The following MCOLN2 variants were observed in gnomAD, a reference collection of about 807,000 sequenced individuals.
The protein encoded by MCOLN2 is mucolipin TRP cation channel 2.
MCOLN2 carries 57 observed loss-of-function variants against 67.5 expected under a neutral mutation model. The ratio of observed to expected loss-of-function variants is 0.84; its 90% CI spans 0.68 to 1.05. The LOEUF is 1.05. Ranked by LOEUF, MCOLN2 falls within the 50% of genes least tolerant of loss-of-function variation. MCOLN2 has a pLI of 0.00. For synonymous variants in MCOLN2, 246 were observed against 233.3 expected (o/e 1.05, Z -0.50); for missense variants, 620 against 678.8 (o/e 0.91, Z 0.96).
chr1:84,952,490 A>G lies in MCOLN2; in HGVS notation c.606T>C (p.Pro202=). The G allele has an allele frequency of 6.2e-7, 1 of 1,613,420 alleles. No homozygotes were observed. Among genetic ancestry groups the G allele is most frequent in the Non-Finnish European group, 8.5e-7 (1 of 1,179,328 alleles). Residue 202 remains proline, a synonymous_variant, in exon 5 of 14, where the codon CCT becomes CCC. Coordinates refer to ENST00000370608, the MANE Select transcript of MCOLN2 (RefSeq NM_153259.4). ...AGAATGATGAGTTCTTCCAGTCCGG[A>G]GGCTTCTTGGAGAGGTCCTGAAGGT... is the stretch of plus-strand genomic sequence containing the variant. The part of the protein sequence containing the change: ...QLDLQDLSKK[P]PDWKNSSFFR...
intron 1 of MCOLN2, among the ~76,000 whole-genome samples, chr1:84,990,317 A>T (rs1170220598): frequency 2.0e-5 from 3 of 149,070 alleles, no homozygotes. Context: ...AAAAAAAAAA[A>T]AAAAAAAAAA....
intron 6 of MCOLN2, among the ~76,000 whole-genome samples, 197 bp from the exon 7 acceptor site, chr1:84,947,329 C>A (rs537765701): frequency 1.4e-5 from 2 of 140,064 alleles, no homozygotes; most frequent in African/African-American, 6.6e-5. Flanking sequence ...CACACACACA[C>A]GGGACCAAAA....
chr1:84,994,820 C>T lies in MCOLN2; in HGVS notation c.77+1976G>A, dbSNP rs142600979. On this transcript the variant is annotated intron_variant, in intron 1 of 13. Transcript: ENST00000370608. Reference sequence around the variant, plus strand: ...AAGAACATCTCATATGCATTCAAAACTTGGCTAAATGGCACAAAATGCCTA... The same window carrying T: ...AAGAACATCTCATATGCATTCAAAATTTGGCTAAATGGCACAAAATGCCTA... Among the ~76,000 whole-genome samples, 4 of 152,310 alleles carry T rather than the reference C, an allele frequency of 2.6e-5. No homozygotes were observed. In the East Asian group the frequency reaches 7.7e-4, roughly 29 times the overall value.
chr1:84,933,517 C>T (rs1050068562), intron 11 of MCOLN2, among the ~76,000 whole-genome samples: 13 of 152,278 alleles, frequency 8.5e-5, no homozygotes, highest in African/African-American at 2.9e-4. Flanking sequence ...GTAAAACAGG[C>T]GATTGCCAGA....
chr1:84,951,096 G>A (rs1181159120), intron 6 of MCOLN2, among the ~76,000 whole-genome samples: 1 of 152,162 alleles, frequency 6.6e-6, no homozygotes, highest in African/African-American at 2.4e-5. Flanking sequence ...CCACCCCAGA[G>A]AGCTTGCAGC....
At chr1:84,983,288 G>C (rs926359346) in intron 1 of MCOLN2, among the ~76,000 whole-genome samples, 3 of 151,482 alleles carry the variant, frequency 2.0e-5, no homozygotes, top group Admixed American at 1.3e-4. Flanking sequence ...TTCTTTTTTT[G>C]AGATAGGATC....
intron 1 of MCOLN2, among the ~76,000 whole-genome samples, chr1:84,983,309 A>G (rs1159054417): frequency 6.6e-6 from 1 of 152,010 alleles, no homozygotes; most frequent in Non-Finnish European, 1.5e-5. Flanking sequence ...TCACTCTGTC[A>G]CCCAGGTGGG....
chr1:84,968,369 A>G (rs1038887995), intron 1 of MCOLN2, among the ~76,000 whole-genome samples: 21 of 152,126 alleles, frequency 1.4e-4, no homozygotes, highest in African/African-American at 4.8e-4. Context: ...ATCCCCGGAA[A>G]CACCCACAGA....
At chr1:84,972,850 C>T (rs982632502) in intron 1 of MCOLN2, among the ~76,000 whole-genome samples, 1 of 152,166 alleles carries the variant, frequency 6.6e-6, no homozygotes, top group Non-Finnish European at 1.5e-5. Flanking sequence ...GAAAAAGGCT[C>T]TTGACCTTTG....
rs1414268263 is a variant in MCOLN2 at position 84,926,665 on chromosome 1, T to G, written c.*20A>C. On this transcript the variant is annotated 3_prime_UTR_variant, in exon 14 of 14. Transcript: ENST00000370608. ...CCGCTGGATAAGGATGCCTGAACTT[T>G]AATCATCTTTAGCAGAACTTTAGCT... 6.4e-7 allele frequency: 1 copy of G among 1,573,026 alleles called. No individual in the cohort carries two copies. Among genetic ancestry groups the G allele is most frequent in the African/African-American group, 1.4e-5 (1 of 73,984 alleles).
intron 4 of MCOLN2, among the ~76,000 whole-genome samples, chr1:84,953,105 T>C (rs1368696466): frequency 6.6e-6 from 1 of 152,206 alleles, no homozygotes. Context: ...CAATGATAAC[T>C]CATTATTTTG....
chr1:84,980,824 A>G (rs181696474), intron 1 of MCOLN2, among the ~76,000 whole-genome samples: 15 of 152,342 alleles, frequency 9.8e-5, no homozygotes, highest in African/African-American at 3.6e-4. Context: ...AATCAAGTTT[A>G]AAAGCTTCTG....
intron 12 of MCOLN2, 30 bp from the exon 13 acceptor site, chr1:84,929,709 A>T (rs1428644281): frequency 1.3e-6 from 2 of 1,595,068 alleles, no homozygotes; most frequent in African/African-American, 1.3e-5. Context: ...TTGTTACCTT[A>T]TTTATAAGGC....
chr1:84,927,362 G>T (rs1225692853), intron 13 of MCOLN2, among the ~76,000 whole-genome samples: 1 of 152,088 alleles, frequency 6.6e-6, no homozygotes, highest in African/African-American at 2.4e-5. Context: ...TGCAATAGAG[G>T]AAGGTAAAGG....
chr1:84,950,831 T>G (rs1365836976), intron 6 of MCOLN2, among the ~76,000 whole-genome samples: 1 of 152,182 alleles, frequency 6.6e-6, no homozygotes, highest in Non-Finnish European at 1.5e-5. Context: ...TACCTGTAAG[T>G]TATGATTAAA....
intron 2 of MCOLN2, among the ~76,000 whole-genome samples, chr1:84,962,457 C>G (rs1049072902): frequency 6.6e-6 from 1 of 152,198 alleles, no homozygotes; most frequent in Non-Finnish European, 1.5e-5. Flanking sequence ...GTGGGAAGAT[C>G]TCTTGAGCCC....
intron 11 of MCOLN2, 166 bp downstream of exon 11, chr1:84,937,589 A>G (rs1647498445): frequency 3.1e-5 from 43 of 1,405,048 alleles, no homozygotes; most frequent in Non-Finnish European, 3.9e-5. Context: ...AGTCACTTCT[A>G]TATCCTGAAA....
At chr1:84,989,722 CAA>C (rs1457852432) in intron 1 of MCOLN2, among the ~76,000 whole-genome samples, 2 of 151,698 alleles carry the variant, frequency 1.3e-5, no homozygotes, top group African/African-American at 4.8e-5. Context: ...AGTTAAAAGA[CAA>C]AGAGATTTGG....
At chr1:84,988,912 T>A (rs958362698) in intron 1 of MCOLN2, among the ~76,000 whole-genome samples, 3 of 152,190 alleles carry the variant, frequency 2.0e-5, no homozygotes, top group African/African-American at 4.8e-5. Flanking sequence ...TCCACCCTAC[T>A]GCTGTTCCCC....
Sources: allele counts gnomAD v4.1 joint callset (sites outside exome capture counted in the v4.1 genomes callset), GRCh38; gene constraint gnomAD v4.1.1; transcripts MANE v1.5; gene names NCBI Gene and HGNC (gene_info 2026-07-23, HGNC 2026-07-21).